Variants in DMPK observed in about 807,000 individuals in gnomAD.
The protein encoded by DMPK is DM1 protein kinase.
DMPK carries 32 observed loss-of-function variants against 70.3 expected under a neutral mutation model. That is an observed-to-expected ratio of 0.46 (90% CI 0.34 to 0.61). The LOEUF (loss-of-function observed/expected upper bound fraction) is 0.61. Among genes scored for constraint, DMPK ranks in the 20% least tolerant of loss-of-function variants. DMPK has a pLI of 0.01. For synonymous variants in DMPK, 469 were observed against 390.9 expected, an observed-to-expected ratio of 1.20 and a Z score of -2.36; for missense variants, 899 against 886.0, an observed-to-expected ratio of 1.01 and a Z score of -0.19.
In DMPK at chr19:45,771,648, T is replaced by C. The variant is rs376539020; in HGVS notation, c.1520A>G (p.Glu507Gly). The C allele has an allele frequency of 2.0e-5, 33 of 1,613,866 alleles. No homozygotes were observed. Among genetic ancestry groups the C allele is most frequent in the Non-Finnish European group, 2.5e-5 (30 of 1,179,932 alleles). Reference sequence around the variant, plus strand: ...TGCCTCTAGGTCCCGGTTCCGAGCCTCTGCCTCGCGTAGTTGACTGTGGGG... The same window carrying C: ...TGCCTCTAGGTCCCGGTTCCGAGCCCCTGCCTCGCGTAGTTGACTGTGGGG... ...QNFASQLREAEARNRDLEAHV... is the reference protein window; with the variant it reads ...QNFASQLREAGARNRDLEAHV... Residue 507 changes from glutamate (E) to glycine (G), a missense_variant, in exon 12 of 15, where the codon GAG (glutamate) becomes GGG (glycine). Glu to Gly is a moderately conservative substitution (Grantham distance 98). This residue lies in a region of DMPK where 555 missense variants were observed against 483.8 expected (regional missense o/e 1.15). Coordinates refer to ENST00000291270, the MANE Select transcript of DMPK (RefSeq NM_004409.5).
chr19:45,779,171 C>T, intron 4 of DMPK, 93 bp downstream of exon 4: 6 of 1,328,432 alleles, frequency 4.5e-6, no homozygotes, highest in East Asian at 4.6e-5. Context: ...CCGGGCAGCA[C>T]CCCCAATCCT....
chr19:45,777,687 CA>C lies in DMPK; in HGVS notation c.861del (p.Tyr287Ter). ...CTCACCTTGTAGTGGACGATCTTGC[CA>C]TAGGTCTCCGCCGTGGAATCCGCGT... is the stretch of plus-strand genomic sequence containing the variant. ...PFYADSTAET[Y>X]GKIVHYKEHL... On this transcript the variant is annotated frameshift_variant, in exon 7 of 15. Coordinates refer to ENST00000291270, the MANE Select transcript of DMPK (RefSeq NM_004409.5). LOFTEE classifies it high-confidence loss of function. The surrounding 1 kb of genome is among the most constrained non-coding windows in gnomAD (Gnocchi z 6.7). 6.2e-7 allele frequency: 1 copy of C among 1,614,054 alleles called. No homozygotes were observed. The highest frequency in any genetic ancestry group is 8.5e-7 in the Non-Finnish European group (1 of 1,180,038).
At position 45,777,841 on chromosome 19, in the gene DMPK, G is replaced by A; in HGVS notation, c.708C>T (p.Asp236=). 1 of 1,610,976 alleles carries A rather than the reference G, an allele frequency of 6.2e-7. No individual in the cohort carries two copies. The highest frequency in any genetic ancestry group is 1.1e-5 in the South Asian group (1 of 91,074). ...CCTGCAGGATCTCGGGGGACAGGTA[G>A]TCTGGGGTGCCCACAGCCACCAGCG... is the stretch of plus-strand genomic sequence containing the variant. ...VRSLVAVGTP[D]YLSPEILQAV... The change falls in exon 7 of 15, where the codon GAC becomes GAT. Residue 236 remains aspartate (D), a synonymous_variant. Coordinates refer to ENST00000291270, the MANE Select transcript of DMPK (RefSeq NM_004409.5). The surrounding 1 kb of genome is among the most constrained non-coding windows in gnomAD (Gnocchi z 6.7).
At chr19:45,779,899 G>A (rs1296268657) in intron 1 of DMPK, 30 bp from the exon 2 acceptor site, 1 of 1,613,754 alleles carries the variant, frequency 6.2e-7, no homozygotes, top group Non-Finnish European at 8.5e-7. Context: ...AAAGAACCGA[G>A]GGTCACCAGA....
chr19:45,770,601 G>A lies in DMPK; in HGVS notation c.1777C>T (p.Leu593=), dbSNP rs748233151. 17 of 1,552,950 alleles carry A rather than the reference G, an allele frequency of 1.1e-5. No individual in the cohort carries two copies. The highest frequency in any genetic ancestry group is 1.4e-5 in the African/African-American group (1 of 73,116). The change falls in exon 15 of 15, where the codon CTG becomes TTG. Residue 593 remains leucine (L), a synonymous_variant. Transcript: ENST00000291270. ...GCACGAGACAGAACAACGGCGAACA[G>A]GAGCAGGGAAAGCGCCTCCGATAGG... ...PGLSEALSLL[L]FAVVLSRAAA...
chr19:45,771,868 G>A lies in DMPK; in HGVS notation c.1405C>T (p.Arg469Trp), dbSNP rs765628468. 8 of 1,586,716 alleles carry A rather than the reference G, an allele frequency of 5.0e-6. No individual in the cohort carries two copies. The highest frequency in any genetic ancestry group is 1.1e-5 in the South Asian group (1 of 87,288). The change falls in exon 11 of 15, where the codon CGG becomes TGG. Residue 469 changes from arginine (R) to tryptophan (W), a missense_variant. Physicochemically the swap from Arg to Trp is moderately radical, Grantham distance 101 (BLOSUM62 -3). Coordinates refer to ENST00000291270, the MANE Select transcript of DMPK (RefSeq NM_004409.5). ...TCCTCCAGGGCTTCCTGGAGCTCCC[G>A]CAGCGTCACCTCGGCCTCAGCCTCT... ...AAEAEAEVTL[R>W]ELQEALEEEV... is the part of the protein sequence containing the mutation.
chr19:45,771,325 G>C (rs1969422825), intron 13 of DMPK, 25 bp downstream of exon 13: 2 of 1,581,076 alleles, frequency 1.3e-6, no homozygotes, highest in African/African-American at 1.4e-5. Flanking sequence ...GCAGGTCTGA[G>C]GCAGGGGAAA....
chr19:45,771,963 G>A (rs1479252658), intron 10 of DMPK, 35 bp from the exon 11 acceptor site: 1 of 1,527,612 alleles, frequency 6.5e-7, no homozygotes, highest in South Asian at 1.2e-5. Context: ...GCTGCCTGTG[G>A]CTCCTGGAAG....
intron 8 of DMPK, among the ~76,000 whole-genome samples, chr19:45,776,490 GTCTC>G (rs1394939774): frequency 2.6e-5 from 4 of 151,736 alleles, no homozygotes; most frequent in Non-Finnish European, 4.4e-5. Context: ...TTGAGACAGA[GTCTC>G]TCTCCGTTGC....
rs767470857 is a variant in DMPK, at chr19:45,774,987, C to T, written c.1194G>A (p.Leu398=). ...IREGAPLGVH[L]PFVGYSYSCM... ...AGGAGTAGGAGTAGCCCACAAAAGG[C>T]AGGTGGACCCCTAGCGGCGCACCTT... Residue 398 remains leucine, a synonymous_variant, in exon 9 of 15, where the codon CTG becomes CTA. Coordinates refer to ENST00000291270, the MANE Select transcript of DMPK (RefSeq NM_004409.5). 6.2e-7 allele frequency: 1 copy of T among 1,613,998 alleles called. No homozygotes were observed. The highest frequency in any genetic ancestry group is 1.7e-5 in the Admixed American group (1 of 60,018).
Position 45,771,350 on chromosome 19 carries a change from A to T in DMPK, c.1647T>A (p.His549Gln). Residue 549 changes from histidine (H) to glutamine (Q), a missense_variant and splice_region_variant, in exon 13 of 15, where the codon CAT becomes CAA. His to Gln is a conservative substitution (Grantham distance 24, BLOSUM62 0). This residue lies in a region of DMPK where 555 missense variants were observed against 483.8 expected (regional missense o/e 1.15). Transcript: ENST00000291270. The stretch of plus-strand genomic sequence containing the variant: ...GGCAGGGGAAAGAGAGGGGTCTTAC[A>T]TGGGAAGGTGGATCCGTGGCCCGGG... Reference protein sequence around the residue: ...PSPRATDPPSHLDGPPAVAVG... With the variant: ...PSPRATDPPSQLDGPPAVAVG... 3 of 1,596,198 alleles carry T rather than the reference A, an allele frequency of 1.9e-6. No homozygotes were observed. Among genetic ancestry groups the T allele is most frequent in the Non-Finnish European group, 2.6e-6 (3 of 1,174,118 alleles).
At chr19:45,779,975 G>C (rs772363177) in intron 1 of DMPK, 106 bp from the exon 2 acceptor site, 1 of 1,577,366 alleles carries the variant, frequency 6.3e-7, no homozygotes, top group Admixed American at 1.9e-5. Flanking sequence ...CTGCCTCTCA[G>C]CTTCACCCTA....
rs1233738068 is a variant in DMPK at position 45,770,990 on chromosome 19, TGGC to T, written c.1715_1717del (p.Arg572del). Reference sequence around the variant, plus strand: ...ACGTACCCTGGCAGGGAGCAGCAGGTGGCGGCGGTGCATGGGGCCTGGCCCCAC... The same window carrying T: ...ACGTACCCTGGCAGGGAGCAGCAGGTGGCGGTGCATGGGGCCTGGCCCCAC... On this transcript the variant is annotated inframe_deletion, in exon 14 of 15. Coordinates refer to ENST00000291270, the MANE Select transcript of DMPK (RefSeq NM_004409.5). The T allele has an allele frequency of 2.8e-6, 4 of 1,434,714 alleles. No homozygotes were observed. The highest frequency in any genetic ancestry group is 3.6e-6 in the Non-Finnish European group (4 of 1,098,312). The allele number at this position is 1,434,714 out of a possible 1,614,324, so 88.9% of individuals were successfully genotyped here. A position where few individuals can be genotyped will look rare whatever the true frequency, so the allele number is the denominator to read the frequency against.
chr19:45,775,207 A>G, intron 8 of DMPK, 173 bp from the exon 9 acceptor site: 1 of 573,954 alleles, frequency 1.7e-6, no homozygotes, highest in Non-Finnish European at 3.1e-6. Flanking sequence ...TCGCTCTGTT[A>G]CCCAGGCTGG....
At chr19:45,780,305 T>A in intron 1 of DMPK, 1 of 1,559,252 alleles carries the variant, frequency 6.4e-7, no homozygotes. Context: ...GGCCCAGACG[T>A]GGGGTTGTAT....
intron 1 of DMPK, 89 bp downstream of exon 1, chr19:45,782,104 G>GGCCCC: frequency 2.9e-5 from 21 of 722,484 alleles, no homozygotes; most frequent in East Asian, 1.8e-4. Flanking sequence ...CTGCCATCCT[G>GGCCCC]CCCCCCCAAC....
intron 5 of DMPK, 78 bp downstream of exon 5, chr19:45,778,415 T>A: frequency 6.4e-7 from 1 of 1,557,692 alleles, no homozygotes; most frequent in East Asian, 2.3e-5. Flanking sequence ...CTCCAGGCCC[T>A]GGCCTCTCTG....
chr19:45,781,731 A>T (rs985387697), intron 1 of DMPK, among the ~76,000 whole-genome samples: 2 of 152,178 alleles, frequency 1.3e-5, no homozygotes, highest in African/African-American at 4.8e-5. Context: ...CTGGCGCCGA[A>T]CACCTGCCTG....
chr19:45,780,693 G>A (rs1038418620), intron 1 of DMPK: 2 of 824,438 alleles, frequency 2.4e-6, no homozygotes, highest in Non-Finnish European at 1.5e-6. Flanking sequence ...GGGAGGGGAG[G>A]GAAGGAGAGG....
Sources: allele counts gnomAD v4.1 joint callset (sites outside exome capture counted in the v4.1 genomes callset), GRCh38; gene constraint gnomAD v4.1.1; regional missense constraint gnomAD v4.1.1; non-coding constraint Gnocchi (gnomAD v3.1); transcripts MANE v1.5; gene names NCBI Gene and HGNC (gene_info 2026-07-23, HGNC 2026-07-21).